The following PRKCB variants were observed in gnomAD, a reference collection of about 807,000 sequenced individuals.
PRKCB encodes protein kinase C beta type.
PRKCB carries 13 observed loss-of-function variants against 81.5 expected under a neutral mutation model. The ratio of observed to expected loss-of-function variants is 0.16; its 90% CI spans 0.10 to 0.25. The LOEUF is 0.25. PRKCB is among the 10% of genes least tolerant of loss of function. The probability of loss-of-function intolerance (pLI) is 1.00; values close to 1 mark genes in which losing one functional copy is unlikely to be tolerated. For missense variants in PRKCB, 509 were observed against 875.7 expected, an observed-to-expected ratio of 0.58 and a Z score of 5.29; for synonymous variants, 335 against 321.4, an observed-to-expected ratio of 1.04 and a Z score of -0.45.
chr16:24,176,486 G>A (rs369894764), intron 12 of PRKCB, among the ~76,000 whole-genome samples: 5 of 152,158 alleles, frequency 3.3e-5, no homozygotes, highest in East Asian at 1.9e-4. Context: ...CAATGAACAC[G>A]TTCACTATGT....
At chr16:23,947,796 C>T (rs1371448914) in intron 2 of PRKCB, among the ~76,000 whole-genome samples, 4 of 151,510 alleles carry the variant, frequency 2.6e-5, no homozygotes, top group African/African-American at 9.7e-5. Flanking sequence ...CAGGGAATGG[C>T]TACTCATTGG....
At chr16:23,904,582 G>C (rs576421207) in intron 2 of PRKCB, among the ~76,000 whole-genome samples, 1 of 152,156 alleles carries the variant, frequency 6.6e-6, no homozygotes, top group Non-Finnish European at 1.5e-5. Context: ...AGAATCGCTT[G>C]AACCCGGGAA....
chr16:24,145,036 C>A (rs953148611), intron 9 of PRKCB, among the ~76,000 whole-genome samples: 1 of 152,026 alleles, frequency 6.6e-6, no homozygotes, highest in African/African-American at 2.4e-5. Flanking sequence ...GACAATGGGG[C>A]CTATGAGTTT....
intron 10 of PRKCB, among the ~76,000 whole-genome samples, chr16:24,171,780 C>T (rs1967444319): frequency 6.6e-6 from 1 of 152,188 alleles, no homozygotes. Context: ...GTCACCCAAG[C>T]TGGAGTGCAG....
At chr16:24,138,903 A>T (rs1966876499) in intron 9 of PRKCB, among the ~76,000 whole-genome samples, 1 of 133,428 alleles carries the variant, frequency 7.5e-6, no homozygotes, top group African/African-American at 2.9e-5. Flanking sequence ...CCCAGGCTAG[A>T]GTGCAATGGC....
At chr16:24,084,195 G>A (rs1394649880) in intron 5 of PRKCB, among the ~76,000 whole-genome samples, 2 of 152,048 alleles carry the variant, frequency 1.3e-5, no homozygotes, top group East Asian at 3.9e-4. Flanking sequence ...AGAACAAATA[G>A]CATTTATCCA....
At chr16:23,942,221 A>C (rs899384468) in intron 2 of PRKCB, among the ~76,000 whole-genome samples, 2 of 152,244 alleles carry the variant, frequency 1.3e-5, no homozygotes, top group African/African-American at 4.8e-5. Flanking sequence ...GTCCTCTACT[A>C]CAGAGGGAAG....
intron 7 of PRKCB, among the ~76,000 whole-genome samples, chr16:24,109,435 C>T (rs1380236744): frequency 1.0e-3 from 120 of 116,270 alleles, no homozygotes; most frequent in African/African-American, 3.5e-3. Flanking sequence ...GACGGGGTTG[C>T]GGCCGGGCAG....
chr16:24,015,095 C>T (rs1275030995), intron 3 of PRKCB, among the ~76,000 whole-genome samples: 1 of 152,202 alleles, frequency 6.6e-6, no homozygotes. Context: ...ACTGCCGCGC[C>T]TGGCCTTATT....
In PRKCB at chr16:24,219,954, T is replaced by C; in HGVS notation, c.*5138T>C. ...CTGTGTTAATGTGTTTACTTTCCAT[T>C]TGGCAGAGAGACAAGAGAGACACCT... On this transcript the variant is annotated 3_prime_UTR_variant, in exon 17 of 17. Transcript: ENST00000643927. The C allele has an allele frequency of 1.2e-6, 2 of 1,613,838 alleles. No homozygotes were observed. The highest frequency in any genetic ancestry group is 1.7e-6 in the Non-Finnish European group (2 of 1,179,922).
At chr16:24,174,678 T>G (rs1967501240) in intron 12 of PRKCB, 98 bp downstream of exon 12, 2,315 of 867,768 alleles carry the variant, frequency 2.7e-3, no homozygotes, top group Non-Finnish European at 3.3e-3. Context: ...GAATCCGCGG[T>G]GGGGGAGGAA....
chr16:23,855,985 T>C (rs1246520707), intron 2 of PRKCB, among the ~76,000 whole-genome samples: 2 of 152,226 alleles, frequency 1.3e-5, no homozygotes, highest in Non-Finnish European at 2.9e-5. Context: ...GGGGAATGCC[T>C]TCTGGGGTTC....
chr16:24,058,463 A>T (rs1157970485), intron 5 of PRKCB, among the ~76,000 whole-genome samples: 2 of 152,050 alleles, frequency 1.3e-5, no homozygotes, highest in African/African-American at 4.8e-5. Context: ...GCAGAAGTGT[A>T]ACCACACAAG....
Position 24,191,192 on chromosome 16 carries a change from G to C in PRKCB, c.1825G>C (p.Glu609Gln). The C allele has an allele frequency of 6.2e-7, 1 of 1,614,076 alleles. No individual in the cohort carries two copies. Among genetic ancestry groups the C allele is most frequent in the East Asian group, 2.2e-5 (1 of 44,880 alleles). Residue 609 changes from glutamate to glutamine, a missense_variant, in exon 16 of 17, where the codon GAA (glutamate) becomes CAA (glutamine). Physicochemically the swap from Glu to Gln is conservative, Grantham distance 29. Transcript: ENST00000643927. Reference protein sequence around the residue: ...FFRYIDWEKLERKEIQPPYKP... With the variant: ...FFRYIDWEKLQRKEIQPPYKP... ...CCGGTATATTGATTGGGAGAAACTTGAACGCAAAGAGATCCAGCCCCCTTA... is the reference window on the plus strand; with the variant it reads ...CCGGTATATTGATTGGGAGAAACTTCAACGCAAAGAGATCCAGCCCCCTTA...
chr16:24,017,473 A>G (rs1042973595), intron 3 of PRKCB, among the ~76,000 whole-genome samples: 1 of 152,044 alleles, frequency 6.6e-6, no homozygotes, highest in African/African-American at 2.4e-5. Context: ...AAAAGGGAAA[A>G]ATTTGCACTT....
chr16:23,899,808 AATTTATTTATTTATTTATTT>A lies in PRKCB; in HGVS notation c.205+62442_205+62461del, dbSNP rs200198656. 2.6e-3 allele frequency among the ~76,000 whole-genome samples: 99 copies of A among 38,342 alleles called. 24 individuals are homozygous for A. Among genetic ancestry groups the A allele is most frequent in the South Asian group, 3.9e-3 (6 of 1,554 alleles). 25.2% of individuals were successfully genotyped at this position (38,342 alleles called of 152,430 possible). ...ACGTGCCACCAGGCCCAGCAAATAA[AATTTATTTATTTATTTATTT>A]ATTTATTTATTTATTTATTTATTTA... On this transcript the variant is annotated intron_variant, in intron 2 of 16. Transcript: ENST00000643927.
chr16:24,212,459 T>TC (rs1567414773), intron 16 of PRKCB, among the ~76,000 whole-genome samples: 6 of 142,650 alleles, frequency 4.2e-5, no homozygotes, highest in Non-Finnish European at 1.5e-5. Flanking sequence ...TGCTTTTTTT[T>TC]CCTTTTTTTT....
At chr16:23,904,962 T>C (rs968247567) in intron 2 of PRKCB, among the ~76,000 whole-genome samples, 3 of 152,144 alleles carry the variant, frequency 2.0e-5, no homozygotes, top group Non-Finnish European at 2.9e-5. Context: ...AGGCCAGCTT[T>C]TAGCATGCCT....
At chr16:23,923,923 G>A (rs538071282) in intron 2 of PRKCB, among the ~76,000 whole-genome samples, 3 of 152,196 alleles carry the variant, frequency 2.0e-5, no homozygotes, top group African/African-American at 7.2e-5. Flanking sequence ...AAAATGATTG[G>A]CAAGTCTCGT....
Sources: gnomAD v4.1 joint callset for allele counts (sites outside exome capture counted in the v4.1 genomes callset) on GRCh38, gnomAD v4.1.1 for gene constraint, MANE v1.5 for transcripts, NCBI Gene and HGNC (gene_info 2026-07-23, HGNC 2026-07-21) for gene names.